Variants in MAP3K7 observed in about 807,000 individuals in gnomAD.
The protein encoded by MAP3K7 is mitogen-activated protein kinase kinase kinase 7.
In MAP3K7, 21 loss-of-function variants were observed where a neutral mutation model predicts 84.8. The observed-to-expected ratio is 0.25, with a 90% CI of 0.18 to 0.36. The LOEUF (loss-of-function observed/expected upper bound fraction) is 0.36. Among genes scored for constraint, MAP3K7 ranks in the 10% least tolerant of loss-of-function variants. The pLI is 1.00. For synonymous variants in MAP3K7, 241 were observed against 247.7 expected, an observed-to-expected ratio of 0.97 and a Z score of 0.25; for missense variants, 503 against 747.7, an observed-to-expected ratio of 0.67 and a Z score of 3.82.
intron 1 of MAP3K7, 103 bp from the exon 2 acceptor site, chr6:90,571,910 TAAATTA>T: frequency 2.2e-6 from 1 of 455,614 alleles, no homozygotes; most frequent in Non-Finnish European, 3.6e-6. Context: ...TTTAAGACTT[TAAATTA>T]AAAAAAAAAA....
chr6:90,567,345 A>C (rs1330538238), intron 3 of MAP3K7, among the ~76,000 whole-genome samples: 1 of 152,222 alleles, frequency 6.6e-6, no homozygotes, highest in Non-Finnish European at 1.5e-5. Context: ...AGAATCTACA[A>C]AGAACTTAAA....
At chr6:90,529,312 C>T (rs998057493) in intron 13 of MAP3K7, among the ~76,000 whole-genome samples, 1 of 152,140 alleles carries the variant, frequency 6.6e-6, no homozygotes, top group African/African-American at 2.4e-5. Context: ...ATGCATAAAA[C>T]TGAACCAGAT....
intron 1 of MAP3K7, among the ~76,000 whole-genome samples, chr6:90,585,783 GTCACCGAAA>G (rs1300008698): frequency 6.6e-6 from 1 of 152,128 alleles, no homozygotes; most frequent in Non-Finnish European, 1.5e-5. Context: ...TATTCTGATT[GTCACCGAAA>G]TCATTCGTTA....
In MAP3K7 at chr6:90,587,064, T is replaced by A; in HGVS notation, c.-181A>T. On this transcript the variant is annotated 5_prime_UTR_variant, in exon 1 of 17. Coordinates refer to ENST00000369329, the MANE Select transcript of MAP3K7 (RefSeq NM_145331.3). ...CGTGTCCGGCTCTGGCTCCGCTGCG[T>A]TTTCCGCCGACGGGCCCCGCCCACT... 2 of 657,532 alleles carry A rather than the reference T, an allele frequency of 3.0e-6. No individual in the cohort carries two copies. Among genetic ancestry groups the A allele is most frequent in the Non-Finnish European group, 4.6e-6 (2 of 436,518 alleles). 40.7% of individuals were successfully genotyped at this position (657,532 alleles called of 1,614,324 possible). A position where few individuals can be genotyped will look rare whatever the true frequency, so the allele number is the denominator to read the frequency against.
intron 15 of MAP3K7, among the ~76,000 whole-genome samples, chr6:90,518,862 C>A (rs1475935009): frequency 1.3e-5 from 2 of 151,604 alleles, no homozygotes; most frequent in East Asian, 3.9e-4. Flanking sequence ...TGTTTATAGC[C>A]CTCATACTCA....
At chr6:90,560,051 G>A (rs752039636) in intron 5 of MAP3K7, 25 bp downstream of exon 5, 1 of 1,613,974 alleles carries the variant, frequency 6.2e-7, no homozygotes, top group South Asian at 1.1e-5. Flanking sequence ...AAGAGGCTGA[G>A]GGGTGTCACA....
intron 13 of MAP3K7, among the ~76,000 whole-genome samples, chr6:90,533,063 T>C (rs1775557910): frequency 1.3e-5 from 2 of 152,226 alleles, no homozygotes; most frequent in South Asian, 4.1e-4. Flanking sequence ...ATCCTCACTT[T>C]ACCTGGCTGC....
At chr6:90,524,493 C>T (rs1775257639) in intron 13 of MAP3K7, among the ~76,000 whole-genome samples, 1 of 152,060 alleles carries the variant, frequency 6.6e-6, no homozygotes, top group African/African-American at 2.4e-5. Context: ...GAAAAAGCAG[C>T]CAGAAGAAAG....
chr6:90,535,904 G>A (rs1201555221), intron 13 of MAP3K7, among the ~76,000 whole-genome samples: 3 of 152,180 alleles, frequency 2.0e-5, no homozygotes, highest in Non-Finnish European at 4.4e-5. Flanking sequence ...AGACGTTAGA[G>A]TTCTCCATGT....
chr6:90,554,957 A>C (rs1339803310), intron 6 of MAP3K7, among the ~76,000 whole-genome samples: 2 of 152,200 alleles, frequency 1.3e-5, no homozygotes, highest in Non-Finnish European at 2.9e-5. Context: ...GGCTAAAAAC[A>C]AACAGAAAAC....
Position 90,547,314 on chromosome 6 carries a change from C to G in MAP3K7, c.1154G>C (p.Gly385Ala), listed in dbSNP as rs1279831807. 1.2e-6 allele frequency: 2 copies of G among 1,612,864 alleles called. No individual in the cohort carries two copies. Among genetic ancestry groups the G allele is most frequent in the Admixed American group, 3.3e-5 (2 of 59,812 alleles). Reference protein sequence around the residue: ...SVESLPPTSEGKRMSADMSEI... With the variant: ...SVESLPPTSEAKRMSADMSEI... ...AGACATGTCAGCACTCATCCTCTTG[C>G]CCTCAGAGGTTGGGGGCAAGCTCTC... The change falls in exon 11 of 17, where the codon GGC (glycine) becomes GCC (alanine). Residue 385 changes from glycine (G) to alanine (A), a missense_variant. Around this residue, in one of 5 missense-constraint regions of MAP3K7, gnomAD observed 286 missense variants for 313.6 expected, o/e 0.91. Coordinates refer to ENST00000369329, the MANE Select transcript of MAP3K7 (RefSeq NM_145331.3).
rs1188890421 is a variant in MAP3K7, at chr6:90,523,247, A to C, written c.1462+431T>G. ...CAATGGTCAGAATTTTTTTCAACTT[A>C]AGGTACATGACATCTCGTGTCCTTA... On this transcript the variant is annotated intron_variant, in intron 14 of 16. Coordinates refer to ENST00000369329, the MANE Select transcript of MAP3K7 (RefSeq NM_145331.3). Among the ~76,000 whole-genome samples, 4 of 152,184 alleles carry C rather than the reference A, an allele frequency of 2.6e-5. No individual in the cohort carries two copies. In the East Asian group the frequency reaches 7.7e-4, roughly 29 times the overall value.
chr6:90,551,868 A>T (rs1776189245), intron 8 of MAP3K7, 181 bp downstream of exon 8: 4 of 587,896 alleles, frequency 6.8e-6, no homozygotes, highest in Non-Finnish European at 1.1e-5. Flanking sequence ...ATAAAGAACT[A>T]GATTTTCCCT....
In MAP3K7 at chr6:90,515,475, T is replaced by A. The variant is rs1175428984; in HGVS notation, c.*1026A>T. 6.6e-6 allele frequency: 1 copy of A among 151,970 alleles called. No homozygotes were observed. Among genetic ancestry groups the A allele is most frequent in the Non-Finnish European group, 1.5e-5 (1 of 67,890 alleles). 9.4% of individuals were successfully genotyped at this position (151,970 alleles called of 1,614,324 possible). A position where few individuals can be genotyped will look rare whatever the true frequency, so the allele number is the denominator to read the frequency against. On this transcript the variant is annotated 3_prime_UTR_variant, in exon 17 of 17. Transcript: ENST00000369329. The stretch of plus-strand genomic sequence containing the variant: ...TCAAATATTCCAATATCCAGGATAA[T>A]TAGGACACTTGTTGAATTTATATTT...
chr6:90,530,115 A>G (rs1011857228), intron 13 of MAP3K7, among the ~76,000 whole-genome samples: 1 of 152,220 alleles, frequency 6.6e-6, no homozygotes, highest in Admixed American at 6.5e-5. Context: ...AAGCAAGTAC[A>G]CAAATATGCC....
At chr6:90,574,100 G>C (rs940952333) in intron 1 of MAP3K7, among the ~76,000 whole-genome samples, 2 of 152,194 alleles carry the variant, frequency 1.3e-5, no homozygotes. Flanking sequence ...TGGTGGACAA[G>C]TTTGAGTTTC....
intron 3 of MAP3K7, among the ~76,000 whole-genome samples, chr6:90,567,764 G>A (rs1463587533): frequency 6.6e-6 from 1 of 152,272 alleles, no homozygotes. Flanking sequence ...ACATGGACAC[G>A]TATGTTTACT....
chr6:90,562,692 A>C (rs1173898581), intron 3 of MAP3K7, among the ~76,000 whole-genome samples: 2 of 152,244 alleles, frequency 1.3e-5, no homozygotes, highest in African/African-American at 4.8e-5. Flanking sequence ...CTGCAGACTT[A>C]AACATCCCTG....
Position 90,552,113 on chromosome 6 carries a change from G to A in MAP3K7, c.803C>T (p.Ser268Phe). ...TGAAGGGCGCTGGGAAGGATCTTTA[G>A]ACCAACAACGAGTCATCAGGCTCTC... ...PIESLMTRCW[S>F]KDPSQRPSME... The change falls in exon 8 of 17, where the codon TCT (serine) becomes TTT (phenylalanine). Residue 268 changes from serine to phenylalanine, a missense_variant. Around this residue, in one of 5 missense-constraint regions of MAP3K7, gnomAD observed 286 missense variants for 313.6 expected, o/e 0.91. Coordinates refer to ENST00000369329, the MANE Select transcript of MAP3K7 (RefSeq NM_145331.3). The A allele has an allele frequency of 6.2e-7, 1 of 1,612,928 alleles. No homozygotes were observed. The highest frequency in any genetic ancestry group is 2.2e-5 in the East Asian group (1 of 44,836).
Sources: gnomAD v4.1 joint callset for allele counts (sites outside exome capture counted in the v4.1 genomes callset) on GRCh38, gnomAD v4.1.1 for gene constraint, gnomAD v4.1.1 regional missense constraint, MANE v1.5 for transcripts, NCBI Gene and HGNC (gene_info 2026-07-23, HGNC 2026-07-21) for gene names.